Variants in RPS24 observed in about 807,000 individuals in gnomAD.
RPS24 encodes ribosomal protein S24.
For missense variants in RPS24, 100 were observed against 162.5 expected, an observed-to-expected ratio of 0.62 and a Z score of 2.09; for synonymous variants, 72 against 55.6, an observed-to-expected ratio of 1.30 and a Z score of -1.31.
In RPS24 at chr10:78,046,346, C is replaced by CTTTTTTTTTTT. The variant is rs57003851; in HGVS notation, c.391-8176_391-8166dup. Among the ~76,000 whole-genome samples, 74 of 126,134 alleles carry CTTTTTTTTTTT rather than the reference C, an allele frequency of 5.9e-4. 3 individuals carry two copies. The highest frequency in any genetic ancestry group is 2.5e-3 in the African/African-American group (73 of 29,388). The allele number at this position is 126,134 out of a possible 152,430, so 82.7% of individuals were successfully genotyped here. A position where few individuals can be genotyped will look rare whatever the true frequency, so the allele number is the denominator to read the frequency against. ...GTCTTGCACAAATTATCTCATTTACCTTTTTTTTTTTTTTTTTTTGAGAAT... is the reference window on the plus strand; with the variant it reads ...GTCTTGCACAAATTATCTCATTTACCTTTTTTTTTTTTTTTTTTTTTTTTTTTTTTGAGAAT... On this transcript the variant is annotated intron_variant, in intron 4 of 4. Coordinates refer to the RPS24 transcript ENST00000440692.
intron 4 of RPS24, among the ~76,000 whole-genome samples, chr10:78,046,294 T>A (rs1189932118): frequency 6.6e-6 from 1 of 151,996 alleles, no homozygotes; most frequent in African/African-American, 2.4e-5. Flanking sequence ...ACATTTATTG[T>A]TTACCATGTG....
At chr10:78,049,384 G>T (rs188434938) in intron 4 of RPS24, among the ~76,000 whole-genome samples, 12 of 152,250 alleles carry the variant, frequency 7.9e-5, no homozygotes, top group African/African-American at 2.6e-4. Context: ...CTTTGTCATG[G>T]GTTTAGAGGG....
intron 4 of RPS24, among the ~76,000 whole-genome samples, chr10:78,049,975 A>T (rs1190659672): frequency 6.6e-6 from 1 of 152,136 alleles, no homozygotes; most frequent in Non-Finnish European, 1.5e-5. Flanking sequence ...CTTCATAGGG[A>T]TCCTTTCAGC....
chr10:78,040,824 G>T, downstream of RPS24: 1 of 699,232 alleles, frequency 1.4e-6, no homozygotes, highest in South Asian at 1.8e-5. Context: ...ATGTCATGGG[G>T]TGGTGTTTGT....
intron 2 of RPS24, 22 bp from the exon 3 acceptor site, chr10:78,035,489 T>A: frequency 6.2e-7 from 1 of 1,613,706 alleles, no homozygotes; most frequent in South Asian, 1.1e-5. Flanking sequence ...TACTGAATGC[T>A]AAACTTGATA....
chr10:78,043,706 C>G (rs1000008038), downstream of RPS24, among the ~76,000 whole-genome samples: 3 of 152,176 alleles, frequency 2.0e-5, no homozygotes, highest in African/African-American at 7.2e-5. Flanking sequence ...TGTGAAGTAG[C>G]AGATAGTGTA....
rs771201598 is a variant in RPS24 at position 78,033,925 on chromosome 10, G to A, written c.3+21G>A. ...TCATGGTGAGTCTCCCTGGGCCCGT[G>A]CAGTCATCTGCCGCGTATCCGAGCC... On this transcript the variant is annotated intron_variant, in intron 1 of 5. Coordinates refer to ENST00000372360, the MANE Select transcript of RPS24 (RefSeq NM_033022.4). 10 of 1,613,872 alleles carry A rather than the reference G, an allele frequency of 6.2e-6. No homozygotes were observed. In the East Asian group the frequency reaches 1.3e-4, roughly 22 times the overall value.
At chr10:78,056,253 C>G (rs1848148598) in exon 5 of RPS24, 1 of 152,156 alleles carries the variant, frequency 6.6e-6, no homozygotes, top group Non-Finnish European at 1.5e-5. Context: ...GAAGATGGCT[C>G]CTGTCCTAGG....
At chr10:78,056,482 C>T (rs1848150314) in exon 5 of RPS24, 1 of 152,156 alleles carries the variant, frequency 6.6e-6, no homozygotes, top group African/African-American at 2.4e-5. Flanking sequence ...GTGACCCAGA[C>T]CTGAACCAAT....
intron 3 of RPS24, among the ~76,000 whole-genome samples, chr10:78,036,734 C>A (rs1192494675): frequency 6.6e-6 from 1 of 152,054 alleles, no homozygotes; most frequent in Non-Finnish European, 1.5e-5. Context: ...CTTGTAGGCC[C>A]CAGGAACAGC....
exon 5 of RPS24, chr10:78,055,138 C>A: frequency 7.3e-7 from 1 of 1,367,990 alleles, no homozygotes; most frequent in Non-Finnish European, 9.4e-7. Context: ...TGTTCAGAAC[C>A]CTCCAGGGCT....
chr10:78,043,756 G>A (rs1037482113), downstream of RPS24, among the ~76,000 whole-genome samples: 1 of 152,210 alleles, frequency 6.6e-6, no homozygotes, highest in Non-Finnish European at 1.5e-5. Context: ...AAGAAGATCA[G>A]TGCAGGGAGG....
intron 4 of RPS24, among the ~76,000 whole-genome samples, chr10:78,049,557 C>A (rs537761052): frequency 2.0e-5 from 3 of 152,334 alleles, no homozygotes; most frequent in Admixed American, 6.5e-5. Context: ...AGGGCCTAGA[C>A]GTTTTCTCTC....
downstream of RPS24, among the ~76,000 whole-genome samples, chr10:78,045,702 C>T (rs887439693): frequency 2.7e-5 from 4 of 150,780 alleles, no homozygotes; most frequent in South Asian, 2.2e-4. Context: ...AGGCTGGGGG[C>T]TTGTTAAAAA....
At chr10:78,041,902 G>T (rs189801491), downstream of RPS24, among the ~76,000 whole-genome samples, 1 of 152,230 alleles carries the variant, frequency 6.6e-6, no homozygotes, top group Admixed American at 6.5e-5. Flanking sequence ...GTCACGAAGT[G>T]GGGAGGCTTT....
intron 1 of RPS24, 127 bp downstream of exon 1, chr10:78,034,031 G>T: frequency 8.1e-7 from 1 of 1,230,154 alleles, no homozygotes; most frequent in Non-Finnish European, 1.2e-6. Context: ...TCTGTCAGAG[G>T]ATGGTTGTCG....
intron 4 of RPS24, among the ~76,000 whole-genome samples, chr10:78,047,676 A>G (rs897236306): frequency 4.6e-5 from 7 of 152,286 alleles, no homozygotes; most frequent in South Asian, 4.2e-4. Context: ...TCATATGTGC[A>G]TGGTGATGTC....
intron 5 of RPS24, 182 bp downstream of exon 5, chr10:78,040,407 T>C (rs1208399877): frequency 1.4e-6 from 1 of 714,574 alleles, no homozygotes; most frequent in Admixed American, 2.6e-5. Context: ...TTAGCAATAT[T>C]TAGCCCATTA....
exon 5 of RPS24, chr10:78,054,810 C>T (rs1311606569): frequency 1.9e-6 from 3 of 1,551,686 alleles, no homozygotes; most frequent in Non-Finnish European, 2.6e-6. Flanking sequence ...CTTCATGTCG[C>T]CTGCCTCACC....
Sources: gnomAD v4.1 joint callset for allele counts (sites outside exome capture counted in the v4.1 genomes callset) on GRCh38, gnomAD v4.1.1 for gene constraint, MANE v1.5 for transcripts, NCBI Gene and HGNC (gene_info 2026-07-23, HGNC 2026-07-21) for gene names.